The following RBFOX1 variants were observed in gnomAD, a reference collection of about 807,000 sequenced individuals.
RBFOX1 encodes RNA binding fox-1 homolog 1, also known as RNA binding protein fox-1 homolog 1.
A neutral mutation model predicts 57.7 loss-of-function variants in RBFOX1; 8 were observed. The ratio of observed to expected loss-of-function variants is 0.14; its 90% CI spans 0.08 to 0.25. The LOEUF (loss-of-function observed/expected upper bound fraction) is 0.25, where lower values mean the gene tolerates loss of function less well. Among genes scored for constraint, RBFOX1 ranks in the 10% least tolerant of loss-of-function variants. The pLI is 1.00. For synonymous variants in RBFOX1, 326 were observed against 222.4 expected (o/e 1.47, Z -4.15); for missense variants, 611 against 548.5 (o/e 1.11, Z -1.14).
chr16:6,521,562 CTT>C (rs1233080363), intron 2 of RBFOX1, among the ~76,000 whole-genome samples: 11 of 147,658 alleles, frequency 7.4e-5, no homozygotes, highest in Admixed American at 7.4e-4. Flanking sequence ...CCCTCGCTCT[CTT>C]TGTCTTTCTC....
chr16:5,843,596 T>G (rs2056680609), intron 3 of RBFOX1, among the ~76,000 whole-genome samples: 1 of 152,214 alleles, frequency 6.6e-6, no homozygotes, highest in Non-Finnish European at 1.5e-5. Flanking sequence ...ACTGCACATC[T>G]GTGTTCACTG....
intron 1 of RBFOX1, among the ~76,000 whole-genome samples, chr16:6,072,524 CATTT>C (rs2095849454): frequency 6.6e-6 from 1 of 151,866 alleles, no homozygotes; most frequent in Non-Finnish European, 1.5e-5. Flanking sequence ...TTTTGAGAAA[CATTT>C]ATACTCTTTT....
intron 3 of RBFOX1, among the ~76,000 whole-genome samples, chr16:5,845,869 G>C (rs1392166297): frequency 6.6e-6 from 1 of 152,218 alleles, no homozygotes; most frequent in East Asian, 1.9e-4. Context: ...AGGGTAATGA[G>C]TTAAGAATTT....
chr16:5,990,273 G>A (rs530785277), intron 4 of RBFOX1, among the ~76,000 whole-genome samples: 2 of 151,596 alleles, frequency 1.3e-5, no homozygotes, highest in African/African-American at 4.8e-5. Context: ...TTACAGGCAT[G>A]AGCCCACTGT....
At chr16:5,812,566 C>G (rs540587310) in intron 3 of RBFOX1, among the ~76,000 whole-genome samples, 1 of 150,534 alleles carries the variant, frequency 6.6e-6, no homozygotes, top group African/African-American at 2.4e-5. Context: ...TCAGGGGGAT[C>G]TTCTCCCCTT....
chr16:6,966,636 A>G (rs1040698236), intron 3 of RBFOX1, among the ~76,000 whole-genome samples: 1 of 152,184 alleles, frequency 6.6e-6, no homozygotes, highest in Admixed American at 6.5e-5. Flanking sequence ...GCAAGAGGCA[A>G]GGTGGAATGA....
chr16:5,250,132 A>AG (rs2062413318), intron 1 of RBFOX1, among the ~76,000 whole-genome samples: 1 of 34,488 alleles, frequency 2.9e-5, no homozygotes, highest in African/African-American at 9.4e-5. Flanking sequence ...GTGTCTCAAC[A>AG]AAAAAAAAAA....
At chr16:7,209,069 C>G (rs564885177) in intron 4 of RBFOX1, among the ~76,000 whole-genome samples, 1 of 151,748 alleles carries the variant, frequency 6.6e-6, no homozygotes, top group African/African-American at 2.4e-5. Flanking sequence ...CCGAGGTGGT[C>G]AGATCACCTG....
intron 3 of RBFOX1, among the ~76,000 whole-genome samples, chr16:6,806,411 A>G (rs1230302647): frequency 6.6e-6 from 1 of 152,196 alleles, no homozygotes; most frequent in Non-Finnish European, 1.5e-5. Context: ...ACTGTAATAC[A>G]TTTGCATCTT....
intron 1 of RBFOX1, among the ~76,000 whole-genome samples, chr16:6,269,028 G>A (rs1432628997): frequency 6.6e-6 from 1 of 152,126 alleles, no homozygotes; most frequent in Non-Finnish European, 1.5e-5. Context: ...CATTTTATTT[G>A]TGTCATCTGA....
intron 4 of RBFOX1, among the ~76,000 whole-genome samples, chr16:7,410,068 A>ATGG (rs760089987): frequency 6.6e-6 from 1 of 152,052 alleles, no homozygotes; most frequent in Non-Finnish European, 1.5e-5. Context: ...GTCTTCAGTG[A>ATGG]TGATGATGAT....
intron 3 of RBFOX1, among the ~76,000 whole-genome samples, chr16:6,719,003 C>T (rs913287857): frequency 6.6e-6 from 1 of 151,980 alleles, no homozygotes; most frequent in African/African-American, 2.4e-5. Context: ...GCTTCTGGGA[C>T]TACAGGTGTA....
chr16:6,625,679 C>T (rs899010616), intron 2 of RBFOX1, among the ~76,000 whole-genome samples: 4 of 152,106 alleles, frequency 2.6e-5, no homozygotes, highest in Non-Finnish European at 5.9e-5. Context: ...AGCAATCTGC[C>T]TTATCAGTAT....
intron 3 of RBFOX1, among the ~76,000 whole-genome samples, chr16:6,655,230 CGGG>C: frequency 6.6e-6 from 1 of 151,074 alleles, no homozygotes; most frequent in Non-Finnish European, 1.5e-5. Context: ...AAAAATTAGC[CGGG>C]TGTGGTGGCA....
intron 3 of RBFOX1, among the ~76,000 whole-genome samples, chr16:6,951,279 G>C (rs73545319): frequency 4.7e-4 from 72 of 152,244 alleles, no homozygotes; most frequent in African/African-American, 1.6e-3. Flanking sequence ...CCCATCTTCT[G>C]AGGGGTCAGT....
chr16:6,474,774 C>G (rs2095247039), intron 2 of RBFOX1, among the ~76,000 whole-genome samples: 1 of 152,168 alleles, frequency 6.6e-6, no homozygotes, highest in Non-Finnish European at 1.5e-5. Flanking sequence ...TTCTAGAATT[C>G]TGGTTCCTTA....
intron 4 of RBFOX1, among the ~76,000 whole-genome samples, chr16:5,903,858 G>A (rs956427436): frequency 6.6e-6 from 1 of 152,140 alleles, no homozygotes; most frequent in Admixed American, 6.5e-5. Context: ...AGCAGATGCG[G>A]GGGCCTTGGT....
intron 4 of RBFOX1, among the ~76,000 whole-genome samples, chr16:7,447,091 C>T (rs868147083): frequency 2.6e-5 from 4 of 151,928 alleles, no homozygotes; most frequent in Non-Finnish European, 4.4e-5. Flanking sequence ...GGATTACAGG[C>T]GTGAGCCACT....
rs538843943 is a variant in RBFOX1 at position 6,205,836 on chromosome 16, C to G, written c.-126-111159C>G. Among the ~76,000 whole-genome samples the G allele has an allele frequency of 6.4e-5, 9 of 139,762 alleles. No individual in the cohort carries two copies. The East Asian group carries it at 1.9e-3, about 29-fold the overall frequency. The allele number at this position is 139,762 out of a possible 152,430, so 91.7% of individuals were successfully genotyped here. A position where few individuals can be genotyped will look rare whatever the true frequency, so the allele number is the denominator to read the frequency against. On this transcript the variant is annotated intron_variant, in intron 1 of 15. Coordinates refer to ENST00000550418, the MANE Select transcript of RBFOX1 (RefSeq NM_018723.4). ...ACATTCACAAATATTTTGCATTTCC[C>G]TTTGAACAAGAGCCTACGAGATCAT... is the stretch of plus-strand genomic sequence containing the variant.
Sources: allele counts gnomAD v4.1 joint callset (sites outside exome capture counted in the v4.1 genomes callset), GRCh38; gene constraint gnomAD v4.1.1; transcripts MANE v1.5; gene names NCBI Gene and HGNC (gene_info 2026-07-23, HGNC 2026-07-21).